The following SLC39A10 variants were observed in gnomAD, a reference collection of about 807,000 sequenced individuals.
SLC39A10 encodes zinc transporter ZIP10.
SLC39A10 carries 13 observed loss-of-function variants against 65.1 expected under a neutral mutation model. The ratio of observed to expected loss-of-function variants is 0.20; its 90% CI spans 0.13 to 0.32. SLC39A10 has a LOEUF of 0.32. Ranked by LOEUF, SLC39A10 falls within the 10% of genes least tolerant of loss-of-function variation. The pLI is 1.00. For synonymous variants in SLC39A10, 321 were observed against 342.2 expected, an observed-to-expected ratio of 0.94 and a Z score of 0.68; for missense variants, 831 against 1,018.4, an observed-to-expected ratio of 0.82 and a Z score of 2.50.
At chr2:195,729,530 T>G (rs1692365365) in intron 9 of SLC39A10, among the ~76,000 whole-genome samples, 1 of 152,182 alleles carries the variant, frequency 6.6e-6, no homozygotes, top group African/African-American at 2.4e-5. Context: ...TCTATGCCCA[T>G]TTACATTCTT....
intron 1 of SLC39A10, among the ~76,000 whole-genome samples, chr2:195,660,825 T>C (rs1386498166): frequency 2.0e-5 from 3 of 152,230 alleles, no homozygotes; most frequent in African/African-American, 2.4e-5. Flanking sequence ...TTGAATGATA[T>C]AAAAATCTAC....
intron 3 of SLC39A10, among the ~76,000 whole-genome samples, chr2:195,703,670 G>A (rs1296260739): frequency 6.6e-6 from 1 of 151,954 alleles, no homozygotes; most frequent in African/African-American, 2.4e-5. Context: ...AACTCTTTTT[G>A]TGAGACAGGG....
At chr2:195,686,771 A>G (rs1027310409) in intron 3 of SLC39A10, among the ~76,000 whole-genome samples, 1 of 152,192 alleles carries the variant, frequency 6.6e-6, no homozygotes, top group African/African-American at 2.4e-5. Flanking sequence ...GAACTATAGT[A>G]TTCTCCTTCT....
At chr2:195,715,381 C>T (rs1691755681) in intron 6 of SLC39A10, among the ~76,000 whole-genome samples, 2 of 151,910 alleles carry the variant, frequency 1.3e-5, no homozygotes, top group South Asian at 4.2e-4. Flanking sequence ...CAAAAATTAG[C>T]CGGGTGTGGT....
intron 1 of SLC39A10, among the ~76,000 whole-genome samples, chr2:195,660,104 A>G (rs1296889475): frequency 1.3e-5 from 2 of 152,230 alleles, no homozygotes; most frequent in Admixed American, 6.5e-5. Context: ...TGACACATGA[A>G]TATGCAGAGC....
intron 8 of SLC39A10, among the ~76,000 whole-genome samples, chr2:195,723,779 T>A (rs1692136312): frequency 6.6e-6 from 1 of 152,054 alleles, no homozygotes; most frequent in South Asian, 2.1e-4. Context: ...GGGCAAGGGT[T>A]AGAAAACTTA....
rs1691672439 is a variant in SLC39A10, at chr2:195,713,538, C to T, written c.1681C>T (p.Leu561Phe). The T allele has an allele frequency of 2.6e-6, 4 of 1,561,142 alleles. No homozygotes were observed. Among genetic ancestry groups the T allele is most frequent in the Middle Eastern group, 3.4e-4 (2 of 5,922 alleles). Reference sequence around the variant, plus strand: ...TACACCAGATTCTGACTGGCTTCAACTCAAGCCTCTTGCCGGTAGACAGCA... The same window carrying T: ...TACACCAGATTCTGACTGGCTTCAATTCAAGCCTCTTGCCGGTAGACAGCA... ...NNTPDSDWLQ[L>F]KPLAGTDDSV... is the part of the protein sequence containing the mutation. The change falls in exon 6 of 10, where the codon CTC (leucine) becomes TTC (phenylalanine). Residue 561 changes from leucine (L) to phenylalanine (F), a missense_variant. Leu to Phe is a conservative substitution (Grantham distance 22). Coordinates refer to ENST00000359634, the MANE Select transcript of SLC39A10 (RefSeq NM_020342.3).
intron 4 of SLC39A10, among the ~76,000 whole-genome samples, chr2:195,707,981 T>C (rs1313540338): frequency 6.6e-6 from 1 of 152,190 alleles, no homozygotes; most frequent in East Asian, 1.9e-4. Context: ...ACATAACCTT[T>C]TCTATACATA....
At chr2:195,696,341 CATT>C (rs1222047385) in intron 3 of SLC39A10, among the ~76,000 whole-genome samples, 1 of 145,234 alleles carries the variant, frequency 6.9e-6, no homozygotes, top group Non-Finnish European at 1.5e-5. Flanking sequence ...AAAAACCTAT[CATT>C]AGGATTTTAA....
chr2:195,661,671 T>G (rs1205250794), intron 1 of SLC39A10, among the ~76,000 whole-genome samples: 1 of 152,220 alleles, frequency 6.6e-6, no homozygotes, highest in Non-Finnish European at 1.5e-5. Flanking sequence ...TATCAGAACG[T>G]AAGGGTTTTT....
In SLC39A10 at chr2:195,736,110, C is replaced by T. The variant is rs1206731788; in HGVS notation, c.*1069C>T. 2 of 152,590 alleles carry T rather than the reference C, an allele frequency of 1.3e-5. No homozygotes were observed. The highest frequency in any genetic ancestry group is 2.9e-5 in the Non-Finnish European group (2 of 68,026). The allele number at this position is 152,590 out of a possible 1,614,324, so 9.5% of individuals were successfully genotyped here. A position where few individuals can be genotyped will look rare whatever the true frequency, so the allele number is the denominator to read the frequency against. On this transcript the variant is annotated 3_prime_UTR_variant, in exon 10 of 10. Transcript: ENST00000359634. Reference sequence around the variant, plus strand: ...ATGAAGTGTCAATTTAGAACAGTTACTAGGATAAACTCCATTATTGCCATG... The same window carrying T: ...ATGAAGTGTCAATTTAGAACAGTTATTAGGATAAACTCCATTATTGCCATG...
intron 2 of SLC39A10, among the ~76,000 whole-genome samples, chr2:195,619,580 T>C (rs1320263045): frequency 6.6e-6 from 1 of 152,208 alleles, no homozygotes; most frequent in African/African-American, 2.4e-5. Context: ...GTAATGCTGA[T>C]GTACACGAGG....
At chr2:195,618,370 A>G (rs1008917788) in intron 2 of SLC39A10, among the ~76,000 whole-genome samples, 5 of 147,762 alleles carry the variant, frequency 3.4e-5, no homozygotes, top group Non-Finnish European at 6.0e-5. Flanking sequence ...AAAAAAAAAG[A>G]GAGAGAAAAA....
chr2:195,660,070 G>GTT (rs71843539), intron 1 of SLC39A10, among the ~76,000 whole-genome samples: 1 of 151,934 alleles, frequency 6.6e-6, no homozygotes, highest in African/African-American at 2.4e-5. Flanking sequence ...ATACTGCACA[G>GTT]TTTTTTTTGT....
chr2:195,722,988 T>C (rs1448284195), intron 8 of SLC39A10, among the ~76,000 whole-genome samples: 1 of 152,180 alleles, frequency 6.6e-6, no homozygotes, highest in Non-Finnish European at 1.5e-5. Flanking sequence ...ACAAGTTGTT[T>C]TAGAGATTAA....
intron 2 of SLC39A10, among the ~76,000 whole-genome samples, chr2:195,630,103 ATGTGTG>A (rs35865354): frequency 7.6e-4 from 100 of 131,800 alleles, no homozygotes; most frequent in East Asian, 6.9e-3. Flanking sequence ...CTCATTTTAT[ATGTGTG>A]TGTGTGTGTG....
At chr2:195,715,084 T>C (rs1691740426) in intron 6 of SLC39A10, among the ~76,000 whole-genome samples, 1 of 152,198 alleles carries the variant, frequency 6.6e-6, no homozygotes, top group African/African-American at 2.4e-5. Flanking sequence ...ATTAGTAAGC[T>C]TAAGTGATTA....
chr2:195,631,748 C>T (rs959933691), intron 2 of SLC39A10, among the ~76,000 whole-genome samples: 4 of 152,070 alleles, frequency 2.6e-5, no homozygotes, highest in African/African-American at 7.2e-5. Flanking sequence ...TCAGTAAATG[C>T]ACAACTACTA....
intron 3 of SLC39A10, among the ~76,000 whole-genome samples, chr2:195,692,450 C>T (rs1287664411): frequency 6.6e-6 from 1 of 152,100 alleles, no homozygotes; most frequent in East Asian, 1.9e-4. Context: ...TGGTCAATTT[C>T]ACAGTATCGA....
Sources: gnomAD v4.1 joint callset for allele counts (sites outside exome capture counted in the v4.1 genomes callset) on GRCh38, gnomAD v4.1.1 for gene constraint, MANE v1.5 for transcripts, NCBI Gene and HGNC (gene_info 2026-07-23, HGNC 2026-07-21) for gene names.